The following SYF2 variants were observed in gnomAD, a reference collection of about 807,000 sequenced individuals.
The protein encoded by SYF2 is SYF2 pre-mRNA splicing factor.
Under a neutral mutation model 32.7 loss-of-function variants are expected in SYF2, and 21 were observed. That is an observed-to-expected ratio of 0.64 (90% CI 0.45 to 0.92). The LOEUF (loss-of-function observed/expected upper bound fraction) is 0.92, where lower values mean the gene tolerates loss of function less well. SYF2 is among the 40% of genes least tolerant of loss of function. SYF2 has a pLI of 0.00. For synonymous variants in SYF2, 114 were observed against 103.9 expected (o/e 1.10, Z -0.59); for missense variants, 278 against 296.5 (o/e 0.94, Z 0.46).
At chr1:25,228,346 T>G in intron 3 of SYF2, 111 bp from the exon 4 acceptor site, 2 of 977,692 alleles carry the variant, frequency 2.0e-6, no homozygotes, top group Non-Finnish European at 3.0e-6. Flanking sequence ...AATAGTATTT[T>G]TTTAGTTGGA....
rs769167885 is a variant in SYF2, at chr1:25,229,047, G to T, written c.209C>A (p.Ala70Asp). 2 of 1,612,854 alleles carry T rather than the reference G, an allele frequency of 1.2e-6. No homozygotes were observed. The highest frequency in any genetic ancestry group is 4.5e-5 in the East Asian group (2 of 44,808). ...KRLKLPANWE[A>D]KKARLEWELK... Reference sequence around the variant, plus strand: ...TTCCCACTCCAAACGAGCTTTTTTGGCTTCCCAATTTGCAGGTAATTTTAG... The same window carrying T: ...TTCCCACTCCAAACGAGCTTTTTTGTCTTCCCAATTTGCAGGTAATTTTAG... The change falls in exon 3 of 7, where the codon GCC (alanine) becomes GAC (aspartate). Residue 70 changes from alanine to aspartate, a missense_variant. By Grantham distance (126) the Ala-to-Asp change is moderately radical. Coordinates refer to ENST00000236273, the MANE Select transcript of SYF2 (RefSeq NM_015484.5).
At chr1:25,223,511 A>G in intron 6 of SYF2, 80 bp from the exon 7 acceptor site, 1 of 1,430,240 alleles carries the variant, frequency 7.0e-7, no homozygotes, top group South Asian at 1.3e-5. Flanking sequence ...ACAGGAATAT[A>G]ATCACGTTTA....
At chr1:25,226,323 T>G (rs973589801) in intron 5 of SYF2, among the ~76,000 whole-genome samples, 1 of 152,178 alleles carries the variant, frequency 6.6e-6, no homozygotes, top group Non-Finnish European at 1.5e-5. Context: ...TAGAGCTCCA[T>G]CCTGAGGTTA....
At position 25,223,356 on chromosome 1, in the gene SYF2, C is replaced by T; in HGVS notation, c.642G>A (p.Arg214=). 1 of 1,613,936 alleles carries T rather than the reference C, an allele frequency of 6.2e-7. No homozygotes were observed. Among genetic ancestry groups the T allele is most frequent in the Non-Finnish European group, 8.5e-7 (1 of 1,179,956 alleles). The change falls in exon 7 of 7, where the codon AGG becomes AGA. Residue 214 remains arginine (R), a synonymous_variant. Coordinates refer to ENST00000236273, the MANE Select transcript of SYF2 (RefSeq NM_015484.5). ...DDADIDYINE[R]NAKFNKKAER... ...CAGCTTTCTTGTTGAATTTGGCATT[C>T]CTTTCATTAATGTAGTCGATATCTG...
rs1638435681 is a variant in SYF2 at position 25,222,879 on chromosome 1, G to A, written c.*387C>T. ...GAGTACACAACTCCAAGTGGCCCGA[G>A]TCTAGACTCTATCAAATTCCACACT... On this transcript the variant is annotated 3_prime_UTR_variant, in exon 7 of 7. Transcript: ENST00000236273. The A allele has an allele frequency of 6.2e-6, 1 of 161,274 alleles. No homozygotes were observed. Among genetic ancestry groups the A allele is most frequent in the East Asian group, 1.8e-4 (1 of 5,676 alleles). The allele number at this position is 161,274 out of a possible 1,614,324, so 10.0% of individuals were successfully genotyped here.
At chr1:25,232,318 G>A in intron 1 of SYF2, 107 bp from the exon 2 acceptor site, 3 of 1,584,522 alleles carry the variant, frequency 1.9e-6, no homozygotes, top group South Asian at 1.1e-5. Context: ...GGCCTCCACC[G>A]CCGACTTGAC....
At chr1:25,224,312 G>A (rs1430904776) in intron 6 of SYF2, among the ~76,000 whole-genome samples, 3 of 151,972 alleles carry the variant, frequency 2.0e-5, no homozygotes, top group Admixed American at 1.3e-4. Context: ...CTGGAGTGCA[G>A]TGATGCAATC....
chr1:25,225,538 A>T (rs547114948), intron 5 of SYF2, among the ~76,000 whole-genome samples: 209 of 149,898 alleles, frequency 1.4e-3, no homozygotes, highest in South Asian at 1.3e-3. Flanking sequence ...AAAAAAAAAA[A>T]TTTTTTTTAA....
chr1:25,228,286 T>G, intron 3 of SYF2, 51 bp from the exon 4 acceptor site: 1 of 1,397,980 alleles, frequency 7.2e-7, no homozygotes, highest in Non-Finnish European at 1.0e-6. Flanking sequence ...ATGCAATAAT[T>G]TGATCTACTT....
chr1:25,227,548 G>A lies in SYF2; in HGVS notation c.377-16C>T, dbSNP rs747012514. The A allele has an allele frequency of 6.2e-7, 1 of 1,605,480 alleles. No individual in the cohort carries two copies. The highest frequency in any genetic ancestry group is 2.2e-5 in the East Asian group (1 of 44,766). ...GCAGCATAATCTAAAAATATAAAAT[G>A]AGAATCAGCGATAATATATTTCCTT... On this transcript the variant is annotated splice_polypyrimidine_tract_variant and intron_variant, in intron 4 of 6. Transcript: ENST00000236273.
intron 5 of SYF2, 146 bp from the exon 6 acceptor site, chr1:25,225,246 G>A (rs957745153): frequency 3.2e-6 from 2 of 629,858 alleles, no homozygotes; most frequent in Admixed American, 5.4e-5. Context: ...AAAACATACA[G>A]GCTGGGTGCA....
At chr1:25,228,048 T>C (rs1638548655) in intron 4 of SYF2, 70 bp downstream of exon 4, 5 of 1,340,864 alleles carry the variant, frequency 3.7e-6, no homozygotes, top group South Asian at 2.4e-5. Flanking sequence ...ACATCCTTTC[T>C]TGAAACCAGA....
chr1:25,231,824 C>T (rs960440047), intron 2 of SYF2: 2 of 523,406 alleles, frequency 3.8e-6, no homozygotes, highest in South Asian at 2.1e-5. Flanking sequence ...AATCACGGAG[C>T]AGGGAGGTTG....
chr1:25,223,129 T>C lies in SYF2; in HGVS notation c.*137A>G. On this transcript the variant is annotated 3_prime_UTR_variant, in exon 7 of 7. Transcript: ENST00000236273. ...AGGATATACGTTTAAGAAACCACAT[T>C]TTTATTTCTAAATGCTGAGTGAGAA... 1 of 769,738 alleles carries C rather than the reference T, an allele frequency of 1.3e-6. No homozygotes were observed. The highest frequency in any genetic ancestry group is 2.0e-6 in the Non-Finnish European group (1 of 501,276). The allele number at this position is 769,738 out of a possible 1,614,324, so 47.7% of individuals were successfully genotyped here.
intron 5 of SYF2, among the ~76,000 whole-genome samples, chr1:25,225,397 A>G (rs995874050): frequency 6.6e-6 from 1 of 151,842 alleles, no homozygotes; most frequent in Non-Finnish European, 1.5e-5. Context: ...GCGTGGTGAC[A>G]CACACCTGTA....
At chr1:25,230,113 A>G (rs1047113645) in intron 2 of SYF2, among the ~76,000 whole-genome samples, 1 of 152,146 alleles carries the variant, frequency 6.6e-6, no homozygotes, top group Non-Finnish European at 1.5e-5. Context: ...CCACCACACC[A>G]GGCCTCAATT....
chr1:25,227,153 G>A (rs923051297), intron 5 of SYF2, among the ~76,000 whole-genome samples: 1 of 152,002 alleles, frequency 6.6e-6, no homozygotes, highest in Non-Finnish European at 1.5e-5. Flanking sequence ...CGTGGTGGCG[G>A]GCGCCTGTAA....
intron 5 of SYF2, 98 bp downstream of exon 5, chr1:25,227,344 C>T (rs868598017): frequency 2.0e-6 from 2 of 993,360 alleles, no homozygotes; most frequent in South Asian, 1.6e-5. Flanking sequence ...ATTAATAACC[C>T]ATACCTTAGC....
intron 5 of SYF2, among the ~76,000 whole-genome samples, chr1:25,227,206 C>T (rs1638529518): frequency 6.6e-6 from 1 of 152,098 alleles, no homozygotes; most frequent in Non-Finnish European, 1.5e-5. Flanking sequence ...TTGCTTGAAC[C>T]CAGGTGGCGG....
Sources: allele counts gnomAD v4.1 joint callset (sites outside exome capture counted in the v4.1 genomes callset), GRCh38; gene constraint gnomAD v4.1.1; transcripts MANE v1.5; gene names NCBI Gene and HGNC (gene_info 2026-07-23, HGNC 2026-07-21).